PHACTR2: variants seen among roughly 807,000 people sequenced by gnomAD.
The protein encoded by PHACTR2 is chromosome 6 open reading frame 56.
PHACTR2 carries 30 observed loss-of-function variants against 76.0 expected under a neutral mutation model. The observed-to-expected ratio is 0.39, with a 90% CI of 0.30 to 0.54. PHACTR2 has a LOEUF of 0.54. Among genes scored for constraint, PHACTR2 ranks in the 20% least tolerant of loss-of-function variants. PHACTR2 has a pLI of 0.61. For missense variants in PHACTR2, 696 were observed against 781.1 expected, an observed-to-expected ratio of 0.89 and a Z score of 1.30; for synonymous variants, 292 against 292.5, an observed-to-expected ratio of 1.00 and a Z score of 0.02.
chr6:143,727,287 A>C lies in PHACTR2; in HGVS notation c.214+15104A>C, dbSNP rs376929687. On this transcript the variant is annotated intron_variant, in intron 2 of 12. Coordinates refer to ENST00000440869, the MANE Select transcript of PHACTR2 (RefSeq NM_001100164.2). ...ATGTTGCTGCAAATGACAGGATTTT[A>C]TTCTTTTTTTTTTATGGCCAAACAG... 2.9e-4 allele frequency among the ~76,000 whole-genome samples: 43 copies of C among 147,880 alleles called. 2 individuals carry two copies. Among genetic ancestry groups the C allele is most frequent in the African/African-American group, 8.9e-4 (34 of 38,120 alleles).
chr6:143,682,755 A>G (rs1166453463), intron 1 of PHACTR2, among the ~76,000 whole-genome samples: 8 of 114,672 alleles, frequency 7.0e-5, no homozygotes, highest in Non-Finnish European at 1.4e-4. Context: ...TTCCTGATCT[A>G]ACAAAAAAAG....
In PHACTR2 at chr6:143,803,293, G is replaced by C. The variant is rs141161050; in HGVS notation, c.1846-3764G>C. 4.9e-4 allele frequency among the ~76,000 whole-genome samples: 74 copies of C among 152,288 alleles called. No homozygotes were observed. The highest frequency in any genetic ancestry group is 1.7e-3 in the African/African-American group (71 of 41,562). On this transcript the variant is annotated intron_variant, in intron 11 of 12. Coordinates refer to ENST00000440869, the MANE Select transcript of PHACTR2 (RefSeq NM_001100164.2). The surrounding 1 kb of genome is among the most constrained non-coding windows in gnomAD (Gnocchi z 4.7). The stretch of plus-strand genomic sequence containing the variant: ...CCGATTGCAGTGGCTCACGCCTGTA[G>C]TTCCAGCACTTTGGGAGGCCGAAGT...
Position 143,672,286 on chromosome 6 carries a change from AC to A in PHACTR2, c.14-39729del, listed in dbSNP as rs1554219210. On this transcript the variant is annotated intron_variant, in intron 1 of 11. Coordinates refer to the PHACTR2 transcript ENST00000305766. This position sits in a 1 kb window ranked among gnomAD's most constrained non-coding sequence, Gnocchi z 5.8. The stretch of plus-strand genomic sequence containing the variant: ...GGCAATATAGTGAGACCCTATCTCT[AC>A]AAAAAAAAAAAAAATTACAAATAAT... Among the ~76,000 whole-genome samples, 6,041 of 144,516 alleles carry A rather than the reference AC, an allele frequency of 0.042. 377 individuals carry two copies. The highest frequency in any genetic ancestry group is 0.16 in the African/African-American group (5,629 of 34,972). The allele number at this position is 144,516 out of a possible 152,430, so 94.8% of individuals were successfully genotyped here. A position where few individuals can be genotyped will look rare whatever the true frequency, so the allele number is the denominator to read the frequency against.
At chr6:143,771,131 C>CATATATATATATATGT (rs199629350) in intron 6 of PHACTR2, among the ~76,000 whole-genome samples, 4 of 71,236 alleles carry the variant, frequency 5.6e-5, no homozygotes, top group South Asian at 4.7e-4. Context: ...ATGTACTTTA[C>CATATATATATATATGT]ATATATATAT....
At position 143,761,379 on chromosome 6, in the gene PHACTR2, T is replaced by C. The variant is rs1210194704; in HGVS notation, c.694+739T>C. ...TATCCAGCTTTGCTTTACAATCAGA[T>C]ATGCTTGATGCAAAGTGGAAACTCC... On this transcript the variant is annotated intron_variant, in intron 5 of 12. Transcript: ENST00000440869. The surrounding 1 kb of genome is among the most constrained non-coding windows in gnomAD (Gnocchi z 5.2). 6.6e-6 allele frequency among the ~76,000 whole-genome samples: 1 copy of C among 152,208 alleles called. No individual in the cohort carries two copies. The highest frequency in any genetic ancestry group is 1.5e-5 in the Non-Finnish European group (1 of 68,026).
intron 1 of PHACTR2, among the ~76,000 whole-genome samples, chr6:143,588,716 A>G (rs1257072736): frequency 1.3e-5 from 2 of 152,252 alleles, no homozygotes; most frequent in East Asian, 3.8e-4. Context: ...GGGAATATCC[A>G]TGAGAGAGAA....
At position 143,537,167 on chromosome 6, in the gene PHACTR2, G is replaced by A. The variant is rs1048461097; in HGVS notation, c.177G>A (p.Ser59=). 8 of 318,218 alleles carry A rather than the reference G, an allele frequency of 2.5e-5. No individual in the cohort carries two copies. Among genetic ancestry groups the A allele is most frequent in the African/African-American group, 6.7e-5 (3 of 44,528 alleles). The allele number at this position is 318,218 out of a possible 1,614,324, so 19.7% of individuals were successfully genotyped here. A position where few individuals can be genotyped will look rare whatever the true frequency, so the allele number is the denominator to read the frequency against. Residue 59 remains serine, a synonymous_variant, in exon 1 of 12, where the codon TCG becomes TCA. Transcript: ENST00000367584. This position sits in a 1 kb window ranked among gnomAD's most constrained non-coding sequence, Gnocchi z 4.4. ...CACAGAGCGACCTCTCGTCGTCCTC[G>A]AGCAGGGGCCGCCCGCTCCGGGTCC...
chr6:143,805,201 C>T (rs536698023), intron 11 of PHACTR2, among the ~76,000 whole-genome samples: 23 of 152,212 alleles, frequency 1.5e-4, no homozygotes, highest in African/African-American at 4.6e-4. Flanking sequence ...TCCTTTCGGC[C>T]GGGCACGGTG....
intron 1 of PHACTR2, among the ~76,000 whole-genome samples, chr6:143,544,697 A>G (rs1781206362): frequency 1.3e-5 from 2 of 152,218 alleles, no homozygotes; most frequent in Non-Finnish European, 2.9e-5. Flanking sequence ...CTGCACCATA[A>G]AATCATTGAA....
chr6:143,713,109 T>C (rs142758651), intron 2 of PHACTR2, among the ~76,000 whole-genome samples: 166 of 152,334 alleles, frequency 1.1e-3, no homozygotes, highest in Middle Eastern at 3.4e-3. Context: ...GCATATCTTA[T>C]TGGTCTGTAC....
At chr6:143,694,385 G>T (rs1238955924) in intron 1 of PHACTR2, among the ~76,000 whole-genome samples, 3 of 152,180 alleles carry the variant, frequency 2.0e-5, no homozygotes, top group South Asian at 4.1e-4. Context: ...GTAATGTTCA[G>T]GAAAGAAACC....
At chr6:143,770,125 A>G (rs1775064544) in intron 6 of PHACTR2, among the ~76,000 whole-genome samples, 2 of 152,228 alleles carry the variant, frequency 1.3e-5, no homozygotes, top group African/African-American at 4.8e-5. Flanking sequence ...GAATGGATAA[A>G]CAAAATGTGT....
At chr6:143,693,237 GTTTTGT>G (rs1777689144) in intron 1 of PHACTR2, among the ~76,000 whole-genome samples, 1 of 151,780 alleles carries the variant, frequency 6.6e-6, no homozygotes, top group Non-Finnish European at 1.5e-5. Flanking sequence ...TTTTGTTTTT[GTTTTGT>G]TTTTATTTTT....
chr6:143,819,941 C>G lies in PHACTR2; in HGVS notation c.1923-3733C>G, dbSNP rs112078218. The stretch of plus-strand genomic sequence containing the variant: ...GCAGGCTGTACAGGAAGCATAGCAG[C>G]ATCTGCTTCTGGGGAGGCCTCAGAA... On this transcript the variant is annotated intron_variant, in intron 12 of 12. Coordinates refer to ENST00000440869, the MANE Select transcript of PHACTR2 (RefSeq NM_001100164.2). This position sits in a 1 kb window ranked among gnomAD's most constrained non-coding sequence, Gnocchi z 5.0. Among the ~76,000 whole-genome samples, 1,997 of 152,276 alleles carry G rather than the reference C, an allele frequency of 0.013. 44 individuals carry two copies. The highest frequency in any genetic ancestry group is 0.046 in the African/African-American group (1,899 of 41,552).
intron 1 of PHACTR2, among the ~76,000 whole-genome samples, chr6:143,705,521 C>T (rs1480349768): frequency 1.3e-5 from 2 of 152,100 alleles, no homozygotes; most frequent in East Asian, 1.9e-4. Context: ...GTCTCGATCT[C>T]CTGACCTCGC....
chr6:143,799,737 T>C (rs1775911750), intron 11 of PHACTR2, among the ~76,000 whole-genome samples: 1 of 152,258 alleles, frequency 6.6e-6, no homozygotes, highest in Non-Finnish European at 1.5e-5. Flanking sequence ...TTTATTGCAC[T>C]GTGGTCTGAG....
chr6:143,548,931 A>G lies in PHACTR2; in HGVS notation c.217+11724A>G, dbSNP rs899266320. Reference sequence around the variant, plus strand: ...AGAATGAGGCATGTTCCTAGGGAACAACAAGATAAGAATAGGAAGGATGAT... The same window carrying G: ...AGAATGAGGCATGTTCCTAGGGAACGACAAGATAAGAATAGGAAGGATGAT... On this transcript the variant is annotated intron_variant, in intron 1 of 11. Coordinates refer to the PHACTR2 transcript ENST00000367584. This position sits in a 1 kb window ranked among gnomAD's most constrained non-coding sequence, Gnocchi z 4.5. 1.3e-5 allele frequency among the ~76,000 whole-genome samples: 2 copies of G among 152,056 alleles called. No individual in the cohort carries two copies. Among genetic ancestry groups the G allele is most frequent in the Non-Finnish European group, 2.9e-5 (2 of 67,986 alleles).
At chr6:143,606,618 C>G (rs984280840), upstream of PHACTR2, among the ~76,000 whole-genome samples, 1 of 152,058 alleles carries the variant, frequency 6.6e-6, no homozygotes, top group African/African-American at 2.4e-5. Context: ...TCTCTGTTAC[C>G]TTTATTTCCC....
intron 1 of PHACTR2, among the ~76,000 whole-genome samples, chr6:143,670,901 T>C (rs545562153): frequency 1.3e-5 from 2 of 151,060 alleles, no homozygotes; most frequent in Non-Finnish European, 2.9e-5. Flanking sequence ...GGAGTTCTGA[T>C]TCTTTGGAGG....
Sources: gnomAD v4.1 joint callset for allele counts (sites outside exome capture counted in the v4.1 genomes callset) on GRCh38, gnomAD v4.1.1 for gene constraint, Gnocchi (gnomAD v3.1) non-coding constraint, MANE v1.5 for transcripts, NCBI Gene and HGNC (gene_info 2026-07-23, HGNC 2026-07-21) for gene names.